CCBE1: variants seen among roughly 807,000 people sequenced by gnomAD.
CCBE1 encodes the protein collagen and calcium binding EGF domains 1.
In CCBE1, 37 loss-of-function variants were observed where a neutral mutation model predicts 50.0. The observed-to-expected ratio is 0.74, with a 90% CI of 0.57 to 0.97. The LOEUF (loss-of-function observed/expected upper bound fraction) is 0.97, where lower values mean the gene tolerates loss of function less well. Ranked by LOEUF, CCBE1 falls within the 50% of genes least tolerant of loss-of-function variation. CCBE1 has a pLI of 0.00. For missense variants in CCBE1, 538 were observed against 523.8 expected (o/e 1.03, Z -0.26); for synonymous variants, 234 against 203.7 (o/e 1.15, Z -1.27).
chr18:59,459,653 A>G (rs1358933602), intron 5 of CCBE1, among the ~76,000 whole-genome samples: 2 of 152,196 alleles, frequency 1.3e-5, no homozygotes, highest in East Asian at 3.8e-4. Context: ...AAACCAAACA[A>G]TGTTCCTGAA....
chr18:59,541,193 T>G (rs1915452387), intron 2 of CCBE1, among the ~76,000 whole-genome samples: 1 of 152,248 alleles, frequency 6.6e-6, no homozygotes, highest in Admixed American at 6.5e-5. Context: ...TGATGTTTAC[T>G]ATTACACTTG....
intron 5 of CCBE1, among the ~76,000 whole-genome samples, chr18:59,464,355 G>T (rs909104546): frequency 6.6e-6 from 1 of 152,198 alleles, no homozygotes; most frequent in Non-Finnish European, 1.5e-5. Context: ...TTGAACCCGG[G>T]AGGCTGAATT....
At position 59,629,123 on chromosome 18, in the gene CCBE1, G is replaced by A. The variant is rs1437350472; in HGVS notation, c.212+67506C>T. Among the ~76,000 whole-genome samples the A allele has an allele frequency of 2.0e-5, 3 of 152,166 alleles. No homozygotes were observed. The East Asian group carries it at 5.8e-4, about 29-fold the overall frequency. ...TCCAAGGGCTCCCATGCCTCTTGGA[G>A]TAAGAGGTGCCTGCAATGGCTCATA... On this transcript the variant is annotated intron_variant, in intron 2 of 10. Coordinates refer to ENST00000439986, the MANE Select transcript of CCBE1 (RefSeq NM_133459.4).
At chr18:59,529,920 G>A (rs1914983248) in intron 2 of CCBE1, among the ~76,000 whole-genome samples, 1 of 152,140 alleles carries the variant, frequency 6.6e-6, no homozygotes, top group African/African-American at 2.4e-5. Context: ...ATAGGGTCTT[G>A]TTCTGAAGTT....
chr18:59,525,142 G>T (rs1914766929), intron 2 of CCBE1, among the ~76,000 whole-genome samples: 1 of 152,164 alleles, frequency 6.6e-6, no homozygotes, highest in African/African-American at 2.4e-5. Context: ...GGTCTTTGAG[G>T]AATCATTTCA....
Position 59,571,131 on chromosome 18 carries a change from G to A in CCBE1, c.213-90893C>T, listed in dbSNP as rs564157584. Among the ~76,000 whole-genome samples, 621 of 152,254 alleles carry A rather than the reference G, an allele frequency of 4.1e-3. 3 individuals are homozygous for A. Among genetic ancestry groups the A allele is most frequent in the Non-Finnish European group, 6.9e-3 (471 of 68,010 alleles). On this transcript the variant is annotated intron_variant, in intron 2 of 10. Transcript: ENST00000439986. ...AACAGTAGAGCAAGCCAGAATTAAC[G>A]CAGCCCTTTTAGAAGTCATCTTGCT...
intron 2 of CCBE1, among the ~76,000 whole-genome samples, chr18:59,622,054 G>T (rs868021290): frequency 9.9e-5 from 15 of 152,230 alleles, no homozygotes; most frequent in Middle Eastern, 6.8e-3. Flanking sequence ...TCACTATCCT[G>T]GCATTGAATA....
At chr18:59,438,207 C>G (rs926257814) in intron 9 of CCBE1, 61 bp from the exon 10 acceptor site, 2 of 1,418,700 alleles carry the variant, frequency 1.4e-6, no homozygotes, top group Non-Finnish European at 2.0e-6. Flanking sequence ...AGAATAGTCT[C>G]TATTTATACA....
chr18:59,687,538 A>G (rs1455677421), intron 2 of CCBE1, among the ~76,000 whole-genome samples: 2 of 152,196 alleles, frequency 1.3e-5, no homozygotes, highest in Non-Finnish European at 2.9e-5. Context: ...CTCACTTCAG[A>G]ATATTTCTTT....
chr18:59,618,500 T>C (rs1599069042), intron 2 of CCBE1, among the ~76,000 whole-genome samples: 1 of 148,830 alleles, frequency 6.7e-6, no homozygotes, highest in Non-Finnish European at 1.5e-5. Context: ...AGTGGCACAA[T>C]CTCGGCTTAC....
At chr18:59,504,345 A>G (rs964620508) in intron 2 of CCBE1, among the ~76,000 whole-genome samples, 1 of 151,268 alleles carries the variant, frequency 6.6e-6, no homozygotes, top group Admixed American at 6.6e-5. Flanking sequence ...GTAAAGATTT[A>G]CTATTATTGT....
chr18:59,568,208 G>T (rs889548868), intron 2 of CCBE1: 5 of 150,078 alleles, frequency 3.3e-5, no homozygotes, highest in Non-Finnish European at 7.4e-5. Flanking sequence ...GTTCTGCCCT[G>T]TTGTAACAAT....
At chr18:59,682,435 T>C (rs562263963) in intron 2 of CCBE1, among the ~76,000 whole-genome samples, 7 of 152,224 alleles carry the variant, frequency 4.6e-5, no homozygotes, top group Non-Finnish European at 8.8e-5. Flanking sequence ...CTGATTCATT[T>C]TGATAAAACT....
At chr18:59,495,631 C>A (rs1913320067) in intron 2 of CCBE1, among the ~76,000 whole-genome samples, 1 of 148,634 alleles carries the variant, frequency 6.7e-6, no homozygotes, top group African/African-American at 2.5e-5. Context: ...TTTTAAGAAA[C>A]TTGTCTTGGT....
At chr18:59,447,943 C>G in intron 7 of CCBE1, 40 bp downstream of exon 7, 2 of 1,613,386 alleles carry the variant, frequency 1.2e-6, no homozygotes, top group Middle Eastern at 1.7e-4. Context: ...CAGGCTTTTT[C>G]TGTTGGTGAT....
intron 2 of CCBE1, among the ~76,000 whole-genome samples, chr18:59,649,753 A>T (rs1245368367): frequency 6.6e-6 from 1 of 152,110 alleles, no homozygotes; most frequent in Non-Finnish European, 1.5e-5. Context: ...ACACAAAAGT[A>T]AAAGTGGGGG....
In CCBE1 at chr18:59,628,141, G is replaced by A. The variant is rs558515064; in HGVS notation, c.212+68488C>T. On this transcript the variant is annotated intron_variant, in intron 2 of 10. Transcript: ENST00000439986. ...AGGTGGGAGAATCACCTGAGCCTGG[G>A]GGCAAGCTGAGACTGCAGTGAATTT... 1.2e-4 allele frequency among the ~76,000 whole-genome samples: 19 copies of A among 152,270 alleles called. 1 individual carries two copies. Among genetic ancestry groups the A allele is most frequent in the South Asian group, 1.0e-3 (5 of 4,822 alleles).
At chr18:59,509,231 G>T (rs985292820) in intron 2 of CCBE1, among the ~76,000 whole-genome samples, 3 of 152,032 alleles carry the variant, frequency 2.0e-5, no homozygotes, top group African/African-American at 7.2e-5. Context: ...ATCAACATTG[G>T]TAGTTAACTC....
intron 2 of CCBE1, among the ~76,000 whole-genome samples, chr18:59,589,225 T>C (rs1036154519): frequency 1.3e-5 from 2 of 152,128 alleles, no homozygotes; most frequent in African/African-American, 4.8e-5. Flanking sequence ...CAACTTACAT[T>C]ATAGTTATCT....
Sources: gnomAD v4.1 joint callset for allele counts (sites outside exome capture counted in the v4.1 genomes callset) on GRCh38, gnomAD v4.1.1 for gene constraint, MANE v1.5 for transcripts, NCBI Gene and HGNC (gene_info 2026-07-23, HGNC 2026-07-21) for gene names.